The following NTRK3 variants were observed in gnomAD, a reference collection of about 807,000 sequenced individuals.
NTRK3 encodes NT-3 growth factor receptor.
Under a neutral mutation model 91.7 loss-of-function variants are expected in NTRK3, and 24 were observed. That is an observed-to-expected ratio of 0.26 (90% CI 0.19 to 0.37). The LOEUF is 0.37. NTRK3 is among the 10% of genes least tolerant of loss of function. NTRK3 has a pLI of 1.00. For synonymous variants in NTRK3, 483 were observed against 404.0 expected (o/e 1.20, Z -2.34); for missense variants, 880 against 1,068.9 (o/e 0.82, Z 2.46).
At chr15:88,092,932 C>G (rs1166821253) in intron 13 of NTRK3, among the ~76,000 whole-genome samples, 1 of 152,176 alleles carries the variant, frequency 6.6e-6, no homozygotes, top group Non-Finnish European at 1.5e-5. Context: ...GATAATCTCC[C>G]CAAATCAAGA....
intron 13 of NTRK3, among the ~76,000 whole-genome samples, chr15:88,055,990 G>A (rs2045638522): frequency 1.3e-5 from 2 of 151,980 alleles, no homozygotes; most frequent in Non-Finnish European, 2.9e-5. Flanking sequence ...TGCCCCGGCA[G>A]CAGGATAGTA....
intron 13 of NTRK3, among the ~76,000 whole-genome samples, chr15:88,101,246 A>C (rs1388881537): frequency 6.6e-6 from 1 of 152,046 alleles, no homozygotes; most frequent in Non-Finnish European, 1.5e-5. Context: ...CATTTATGCA[A>C]CCAAAAGACA....
At chr15:88,125,822 G>A (rs28607402) in intron 13 of NTRK3, among the ~76,000 whole-genome samples, 8,082 of 151,360 alleles carry the variant, frequency 0.053, 580 homozygotes, top group African/African-American at 0.16. Flanking sequence ...CATTGCATGG[G>A]CAGCTTTTCA....
chr15:87,877,541 G>T, intron 18 of NTRK3, among the ~76,000 whole-genome samples: 1 of 152,082 alleles, frequency 6.6e-6, no homozygotes, highest in East Asian at 1.9e-4. Flanking sequence ...AAACTGCCAT[G>T]AAGGAGCTCT....
In NTRK3 at chr15:88,217,813, C is replaced by T. The variant is rs190884160; in HGVS notation, c.249-33514G>A. 2.1e-3 allele frequency among the ~76,000 whole-genome samples: 307 copies of T among 146,990 alleles called. 1 individual carries two copies. The highest frequency in any genetic ancestry group is 7.2e-3 in the African/African-American group (285 of 39,834). On this transcript the variant is annotated intron_variant, in intron 3 of 18. Transcript: ENST00000394480. ...TCACTCTGTCGCCCAGGCTGGAATG[C>T]AATGACACTATCTTGGCTCACTGCA...
At chr15:88,152,311 C>T (rs2043458062) in intron 5 of NTRK3, among the ~76,000 whole-genome samples, 1 of 152,066 alleles carries the variant, frequency 6.6e-6, no homozygotes, top group South Asian at 2.1e-4. Context: ...CAAAACAAAA[C>T]AAAACAAAAC....
chr15:88,036,439 A>C (rs1230920780), intron 13 of NTRK3, among the ~76,000 whole-genome samples: 1 of 152,122 alleles, frequency 6.6e-6, no homozygotes, highest in Non-Finnish European at 1.5e-5. Context: ...AAAAAAAATC[A>C]ATCCACTCTA....
Position 88,255,537 on chromosome 15 carries a change from C to A in NTRK3, c.248+369G>T, listed in dbSNP as rs540489549. 5.9e-5 allele frequency among the ~76,000 whole-genome samples: 9 copies of A among 152,300 alleles called. No individual in the cohort carries two copies. In the South Asian group the frequency reaches 1.0e-3, roughly 18 times the overall value. Reference sequence around the variant, plus strand: ...AGAATCGAACCTCGTCTACTTTATTCCACTTGAGCGTGGCCAAACTGTTGC... The same window carrying A: ...AGAATCGAACCTCGTCTACTTTATTACACTTGAGCGTGGCCAAACTGTTGC... On this transcript the variant is annotated intron_variant, in intron 3 of 18. Coordinates refer to ENST00000394480, the Ensembl canonical transcript of NTRK3. The surrounding 1 kb of genome is among the most constrained non-coding windows in gnomAD (Gnocchi z 4.3).
intron 14 of NTRK3, among the ~76,000 whole-genome samples, chr15:87,950,251 A>G (rs187119269): frequency 1.0e-3 from 158 of 152,308 alleles, no homozygotes; most frequent in African/African-American, 3.6e-3. Flanking sequence ...TGAGGTCAGG[A>G]AGAGAAACAC....
chr15:88,046,852 G>A (rs994531688), intron 13 of NTRK3, among the ~76,000 whole-genome samples: 1 of 152,206 alleles, frequency 6.6e-6, no homozygotes, highest in Non-Finnish European at 1.5e-5. Flanking sequence ...AATGGCGAGG[G>A]TACAGAGGGT....
At chr15:87,964,005 G>A (rs2072553977) in intron 14 of NTRK3, among the ~76,000 whole-genome samples, 1 of 152,128 alleles carries the variant, frequency 6.6e-6, no homozygotes, top group Non-Finnish European at 1.5e-5. Flanking sequence ...AGGATAGTAT[G>A]GATCTCTAAA....
At chr15:87,957,094 C>T (rs2071747357) in intron 14 of NTRK3, among the ~76,000 whole-genome samples, 1 of 152,176 alleles carries the variant, frequency 6.6e-6, no homozygotes, top group African/African-American at 2.4e-5. Context: ...ATCCAGCCTA[C>T]ACCAATCATT....
intron 14 of NTRK3, among the ~76,000 whole-genome samples, chr15:88,029,186 C>T (rs2141980038): frequency 6.6e-6 from 1 of 152,328 alleles, no homozygotes; most frequent in Admixed American, 6.5e-5. Context: ...GTTCTGTATA[C>T]ATTGCAAACT....
At chr15:88,080,927 T>A (rs1026191277) in intron 13 of NTRK3, among the ~76,000 whole-genome samples, 11 of 152,232 alleles carry the variant, frequency 7.2e-5, no homozygotes, top group Admixed American at 6.5e-5. Context: ...AAAAAATGAC[T>A]TATGCCTCGA....
intron 14 of NTRK3, among the ~76,000 whole-genome samples, chr15:87,952,910 A>T (rs142152385): frequency 6.6e-6 from 1 of 151,966 alleles, no homozygotes; most frequent in Admixed American, 6.5e-5. Context: ...CTGATGGGGA[A>T]CAAGGTCGGA....
intron 13 of NTRK3, among the ~76,000 whole-genome samples, chr15:88,107,279 C>T (rs28543991): frequency 0.6 from 90,748 of 151,758 alleles, 28,049 homozygotes; most frequent in African/African-American, 0.75. Flanking sequence ...CCTGTCTCTA[C>T]AAAAACTACA....
intron 3 of NTRK3, among the ~76,000 whole-genome samples, chr15:88,195,995 G>A (rs762817721): frequency 9.2e-5 from 14 of 152,116 alleles, no homozygotes; most frequent in Admixed American, 4.6e-4. Context: ...ATAACTACCC[G>A]CATGGAGGAC....
At chr15:87,904,069 TG>T (rs1250531998) in intron 17 of NTRK3, among the ~76,000 whole-genome samples, 1 of 152,070 alleles carries the variant, frequency 6.6e-6, no homozygotes, top group Admixed American at 6.5e-5. Context: ...TAAGTTTGTT[TG>T]GGTGGGGAGA....
chr15:88,215,989 T>A (rs969943695), intron 3 of NTRK3, among the ~76,000 whole-genome samples: 6 of 152,206 alleles, frequency 3.9e-5, no homozygotes, highest in Admixed American at 6.5e-5. Context: ...CTCTATCCTA[T>A]GCTGTCCCAT....
Sources: gnomAD v4.1 joint callset for allele counts (sites outside exome capture counted in the v4.1 genomes callset) on GRCh38, gnomAD v4.1.1 for gene constraint, Gnocchi (gnomAD v3.1) non-coding constraint, MANE v1.5 for transcripts, NCBI Gene and HGNC (gene_info 2026-07-23, HGNC 2026-07-21) for gene names.